Variants in CLEC12A observed in about 807,000 individuals in gnomAD.
CLEC12A encodes C-type lectin protein CLL-1.
In CLEC12A, 22 loss-of-function variants were observed where a neutral mutation model predicts 26.5. The observed-to-expected ratio is 0.83, with a 90% CI of 0.59 to 1.19. The LOEUF (loss-of-function observed/expected upper bound fraction) is 1.19, where lower values mean the gene tolerates loss of function less well. Among genes scored for constraint, CLEC12A ranks in the 50% most tolerant of loss-of-function variants. The probability of loss-of-function intolerance (pLI) is 0.00; values close to 1 mark genes in which losing one functional copy is unlikely to be tolerated. For missense variants in CLEC12A, 353 were observed against 315.6 expected (o/e 1.12, Z -0.90); for synonymous variants, 119 against 101.9 (o/e 1.17, Z -1.01).
At chr12:9,955,406 A>C (rs1457148509) in intron 1 of CLEC12A, among the ~76,000 whole-genome samples, 2 of 152,198 alleles carry the variant, frequency 1.3e-5, no homozygotes, top group African/African-American at 4.8e-5. Context: ...TTTCTTACTT[A>C]GGTGAACATC....
chr12:9,995,117 A>G (rs183237577), exon 5 of CLEC12A: 347 of 1,609,760 alleles, frequency 2.2e-4, no homozygotes, highest in Admixed American at 1.3e-3. Context: ...ACTCCCTCCT[A>G]TTCTAAGTGT....
intron 4 of CLEC12A, chr12:9,991,220 A>G (rs1466284222): frequency 1.3e-5 from 2 of 152,184 alleles, no homozygotes; most frequent in Admixed American, 1.3e-4. Flanking sequence ...GATGACATGT[A>G]GAAGATTTAG....
chr12:9,962,624 G>A (rs951651633), intron 1 of CLEC12A, among the ~76,000 whole-genome samples: 1 of 152,114 alleles, frequency 6.6e-6, no homozygotes, highest in African/African-American at 2.4e-5. Flanking sequence ...GTTCTCTGGC[G>A]GACAGGAGTG....
downstream of CLEC12A, chr12:9,996,905 T>C (rs763938177): frequency 5.1e-5 from 83 of 1,613,896 alleles, no homozygotes; most frequent in Middle Eastern, 1.6e-4. Flanking sequence ...CAGTACTGCT[T>C]ACTCTCTTCC....
Position 9,983,535 on chromosome 12 carries a change from A to G in CLEC12A, c.642-1335A>G, listed in dbSNP as rs542924450. On this transcript the variant is annotated intron_variant, in intron 5 of 5. Coordinates refer to ENST00000304361, the MANE Select transcript of CLEC12A (RefSeq NM_138337.6). ...CTCTGAAATTTGGGAAGCAGAAAATATCAAACGAAGAAAGAAACCAGAGTC... is the reference window on the plus strand; with the variant it reads ...CTCTGAAATTTGGGAAGCAGAAAATGTCAAACGAAGAAAGAAACCAGAGTC... The G allele has an allele frequency of 2.5e-3, 1,735 of 696,224 alleles. 3 individuals carry two copies. Among genetic ancestry groups the G allele is most frequent in the Non-Finnish European group, 2.8e-3 (1,087 of 383,046 alleles). 43.1% of individuals were successfully genotyped at this position (696,224 alleles called of 1,614,324 possible).
intron 1 of CLEC12A, chr12:9,952,008 G>GTGC: frequency 6.6e-6 from 1 of 152,126 alleles, no homozygotes; most frequent in Non-Finnish European, 1.5e-5. Flanking sequence ...TGATTAGTAT[G>GTGC]TGCTGCTGTT....
At chr12:9,962,760 G>T (rs1863857564) in intron 1 of CLEC12A, among the ~76,000 whole-genome samples, 1 of 152,176 alleles carries the variant, frequency 6.6e-6, no homozygotes, top group South Asian at 2.1e-4. Context: ...AATGTCATCT[G>T]TTAAGGCAGG....
At chr12:9,955,942 G>T (rs1018203008) in intron 1 of CLEC12A, among the ~76,000 whole-genome samples, 1 of 152,030 alleles carries the variant, frequency 6.6e-6, no homozygotes, top group African/African-American at 2.4e-5. Flanking sequence ...AAATATTTCA[G>T]CATCAGACCA....
chr12:9,963,276 T>C (rs1412684807), intron 1 of CLEC12A, among the ~76,000 whole-genome samples: 3 of 151,084 alleles, frequency 2.0e-5, no homozygotes, highest in Admixed American at 6.6e-5. Context: ...TTTTATGTTG[T>C]CATACACCAG....
At chr12:9,972,378 T>G (rs780325253) in intron 1 of CLEC12A, among the ~76,000 whole-genome samples, 7 of 152,174 alleles carry the variant, frequency 4.6e-5, no homozygotes, top group Non-Finnish European at 8.8e-5. Context: ...TGTGTTGACT[T>G]TCACTTAAAC....
chr12:9,980,645 G>A lies in CLEC12A; in HGVS notation c.443G>A (p.Ser148Asn). 2 of 1,613,884 alleles carry A rather than the reference G, an allele frequency of 1.2e-6. No individual in the cohort carries two copies. Among genetic ancestry groups the A allele is most frequent in the East Asian group, 2.2e-5 (1 of 44,884 alleles). Residue 148 changes from serine (S) to asparagine (N), a missense_variant, in exon 4 of 6, where the codon AGT becomes AAT. Physicochemically the swap from Ser to Asn is conservative, Grantham distance 46 (BLOSUM62 1). Coordinates refer to ENST00000304361, the MANE Select transcript of CLEC12A (RefSeq NM_138337.6). ...IWHKDSCYFLSDDVQTWQESK... is the reference protein window; with the variant it reads ...IWHKDSCYFLNDDVQTWQESK... Reference sequence around the variant, plus strand: ...CATAAGGACAGCTGTTATTTCCTAAGTGATGATGTCCAAACATGGCAGGAG... The same window carrying A: ...CATAAGGACAGCTGTTATTTCCTAAATGATGATGTCCAAACATGGCAGGAG...
intron 1 of CLEC12A, among the ~76,000 whole-genome samples, chr12:9,972,107 T>C (rs1864153831): frequency 6.6e-6 from 1 of 151,942 alleles, no homozygotes; most frequent in Non-Finnish European, 1.5e-5. Flanking sequence ...GAGAGACCTT[T>C]ATAGGATTTC....
chr12:9,951,301 AT>A (rs1555136981), upstream of CLEC12A: 1 of 702,726 alleles, frequency 1.4e-6, no homozygotes, highest in Non-Finnish European at 2.6e-6. Flanking sequence ...CCCCAACCAC[AT>A]TTCTGATTGC....
upstream of CLEC12A, among the ~76,000 whole-genome samples, chr12:9,968,527 C>T (rs1189666684): frequency 6.6e-6 from 1 of 152,080 alleles, no homozygotes; most frequent in Non-Finnish European, 1.5e-5. Context: ...GAAGGAATTT[C>T]AGAAGATAAT....
At chr12:9,959,306 G>T (rs578216994) in intron 1 of CLEC12A, among the ~76,000 whole-genome samples, 1 of 152,036 alleles carries the variant, frequency 6.6e-6, no homozygotes, top group Non-Finnish European at 1.5e-5. Flanking sequence ...CAAAAAATTA[G>T]CTGGGCGTGG....
chr12:9,966,455 G>A (rs1863954502), upstream of CLEC12A, among the ~76,000 whole-genome samples: 1 of 152,180 alleles, frequency 6.6e-6, no homozygotes, highest in Admixed American at 6.5e-5. Flanking sequence ...GTCTTGCACA[G>A]ATGGGACATG....
At chr12:9,966,019 A>C (rs1863937494) in intron 1 of CLEC12A, among the ~76,000 whole-genome samples, 1 of 152,176 alleles carries the variant, frequency 6.6e-6, no homozygotes, top group Non-Finnish European at 1.5e-5. Flanking sequence ...AGGGAAGCAG[A>C]TAATTTAGTT....
intron 4 of CLEC12A, chr12:9,991,961 C>T (rs1864903478): frequency 6.6e-6 from 1 of 152,058 alleles, no homozygotes; most frequent in African/African-American, 2.4e-5. Context: ...CTCTGTGTCT[C>T]CTCAGTCTTC....
the CLEC12A span, among the ~76,000 whole-genome samples, chr12:10,003,686 G>A: frequency 3.3e-5 from 5 of 152,218 alleles, no homozygotes; most frequent in East Asian, 9.7e-4. Flanking sequence ...GGCCAAGGTA[G>A]GAAGACTGCT....
Sources: allele counts gnomAD v4.1 joint callset (sites outside exome capture counted in the v4.1 genomes callset), GRCh38; gene constraint gnomAD v4.1.1; transcripts MANE v1.5; gene names NCBI Gene and HGNC (gene_info 2026-07-23, HGNC 2026-07-21).